The following DCC variants were observed in gnomAD, a reference collection of about 807,000 sequenced individuals.
DCC encodes the protein netrin receptor DCC.
A neutral mutation model predicts 172.5 loss-of-function variants in DCC; 58 were observed. That is an observed-to-expected ratio of 0.34 (90% CI 0.27 to 0.42). The LOEUF (loss-of-function observed/expected upper bound fraction) is 0.42, where lower values mean the gene tolerates loss of function less well. Among genes scored for constraint, DCC ranks in the 10% least tolerant of loss-of-function variants. The probability of loss-of-function intolerance (pLI) is 1.00; values close to 1 mark genes in which losing one functional copy is unlikely to be tolerated. For missense variants in DCC, 1,740 were observed against 1,791.0 expected, an observed-to-expected ratio of 0.97 and a Z score of 0.51; for synonymous variants, 709 against 644.5, an observed-to-expected ratio of 1.10 and a Z score of -1.52.
At chr18:52,862,099 T>G (rs1353405812) in intron 2 of DCC, among the ~76,000 whole-genome samples, 2 of 151,980 alleles carry the variant, frequency 1.3e-5, no homozygotes. Context: ...ATTAATAACA[T>G]GTTTATAGAA....
intron 1 of DCC, among the ~76,000 whole-genome samples, chr18:52,450,823 A>G (rs985471680): frequency 4.6e-5 from 7 of 152,230 alleles, no homozygotes; most frequent in Admixed American, 4.6e-4. Context: ...TATCCAAAGG[A>G]CTAAGAATAG....
chr18:52,577,990 C>T (rs893147150), intron 1 of DCC, among the ~76,000 whole-genome samples: 9 of 152,202 alleles, frequency 5.9e-5, no homozygotes, highest in Admixed American at 4.6e-4. Flanking sequence ...ATGCCATCAA[C>T]TCATTACAGC....
intron 26 of DCC, among the ~76,000 whole-genome samples, chr18:53,488,475 A>C (rs2045926971): frequency 6.6e-6 from 1 of 152,108 alleles, no homozygotes; most frequent in South Asian, 2.1e-4. Flanking sequence ...TTAGTAATTC[A>C]CTATTTTTAT....
intron 12 of DCC, among the ~76,000 whole-genome samples, chr18:53,235,406 T>A (rs958456915): frequency 1.3e-4 from 20 of 152,152 alleles, no homozygotes; most frequent in Admixed American, 1.0e-3. Context: ...TTTGTCTGAG[T>A]AGAGTTACAA....
chr18:52,639,766 C>G (rs1324655060), intron 1 of DCC, among the ~76,000 whole-genome samples: 1 of 151,934 alleles, frequency 6.6e-6, no homozygotes, highest in Admixed American at 6.6e-5. Flanking sequence ...TGGATTCACA[C>G]CAGAATCCTA....
chr18:53,172,660 C>T (rs1441204470), intron 8 of DCC, among the ~76,000 whole-genome samples: 1 of 151,986 alleles, frequency 6.6e-6, no homozygotes, highest in Non-Finnish European at 1.5e-5. Context: ...AACAATGTTG[C>T]TTGAAGGTCT....
chr18:52,955,829 T>C (rs1161529767), intron 5 of DCC, among the ~76,000 whole-genome samples: 1 of 152,172 alleles, frequency 6.6e-6, no homozygotes, highest in Non-Finnish European at 1.5e-5. Context: ...ATGTTATTAA[T>C]GTATACTTGC....
At chr18:52,606,332 C>A (rs1340320012) in intron 1 of DCC, among the ~76,000 whole-genome samples, 1 of 152,012 alleles carries the variant, frequency 6.6e-6, no homozygotes, top group Non-Finnish European at 1.5e-5. Context: ...ACAAAAAACA[C>A]CATAATACTT....
intron 12 of DCC, among the ~76,000 whole-genome samples, chr18:53,255,166 G>C (rs1051711792): frequency 1.3e-5 from 2 of 151,672 alleles, no homozygotes; most frequent in Admixed American, 6.6e-5. Flanking sequence ...CAGGCCTTTC[G>C]GGCCCTTCTG....
chr18:53,015,959 T>A (rs1423966008), intron 5 of DCC, among the ~76,000 whole-genome samples: 1 of 152,190 alleles, frequency 6.6e-6, no homozygotes, highest in Non-Finnish European at 1.5e-5. Flanking sequence ...TTGTCAAAAC[T>A]TGTGGAATTC....
At chr18:52,437,463 G>GCC (rs780290159) in intron 1 of DCC, among the ~76,000 whole-genome samples, 19 of 152,238 alleles carry the variant, frequency 1.2e-4, no homozygotes, top group Non-Finnish European at 2.2e-4. Flanking sequence ...AACAGATGGA[G>GCC]CCAGAAATAG....
chr18:52,911,440 T>C (rs1429663824), intron 3 of DCC, among the ~76,000 whole-genome samples: 2 of 132,596 alleles, frequency 1.5e-5, no homozygotes, highest in African/African-American at 2.7e-5. Flanking sequence ...AAGATAAATA[T>C]TCAGATTAAG....
At chr18:52,516,951 G>A (rs575720967) in intron 1 of DCC, among the ~76,000 whole-genome samples, 3 of 152,282 alleles carry the variant, frequency 2.0e-5, no homozygotes, top group Non-Finnish European at 4.4e-5. Flanking sequence ...TTCATTTTAA[G>A]AGGGATTTTT....
At chr18:52,522,693 C>A (rs370141811) in intron 1 of DCC, among the ~76,000 whole-genome samples, 3 of 152,218 alleles carry the variant, frequency 2.0e-5, no homozygotes, top group East Asian at 1.9e-4. Context: ...GAAAGGATTG[C>A]AGTCATGTAT....
At chr18:52,364,389 G>A (rs1344653046) in intron 1 of DCC, among the ~76,000 whole-genome samples, 1 of 152,104 alleles carries the variant, frequency 6.6e-6, no homozygotes, top group Non-Finnish European at 1.5e-5. Flanking sequence ...GTTAATTACT[G>A]TTAAAATTTT....
At chr18:53,161,118 A>C (rs767677628) in intron 8 of DCC, among the ~76,000 whole-genome samples, 4 of 152,164 alleles carry the variant, frequency 2.6e-5, no homozygotes, top group Non-Finnish European at 5.9e-5. Context: ...CTACCACTCC[A>C]TGCTCTGTTC....
At chr18:52,357,452 C>A (rs375964425) in intron 1 of DCC, among the ~76,000 whole-genome samples, 30 of 152,174 alleles carry the variant, frequency 2.0e-4, no homozygotes, top group East Asian at 1.5e-3. Context: ...CAAGTAGTTT[C>A]CTATTATAAC....
intron 1 of DCC, among the ~76,000 whole-genome samples, chr18:52,446,691 T>C (rs1237944208): frequency 1.3e-5 from 2 of 152,190 alleles, no homozygotes; most frequent in South Asian, 4.1e-4. Flanking sequence ...ACCTTTGGTA[T>C]TGATGTTACT....
At chr18:53,040,728 G>C (rs1478944897) in intron 5 of DCC, among the ~76,000 whole-genome samples, 1 of 151,908 alleles carries the variant, frequency 6.6e-6, no homozygotes, top group Non-Finnish European at 1.5e-5. Context: ...TACTTGAGTA[G>C]CTTTGGGATC....
Sources: gnomAD v4.1 joint callset for allele counts (sites outside exome capture counted in the v4.1 genomes callset) on GRCh38, gnomAD v4.1.1 for gene constraint, MANE v1.5 for transcripts, NCBI Gene and HGNC (gene_info 2026-07-23, HGNC 2026-07-21) for gene names.